Variants in RASGRF1 observed in about 807,000 individuals in gnomAD.
RASGRF1 encodes ras-specific guanine nucleotide-releasing factor 1.
Under a neutral mutation model 138.7 loss-of-function variants are expected in RASGRF1, and 40 were observed. The observed-to-expected ratio is 0.29, with a 90% confidence interval of 0.22 to 0.38. The LOEUF (loss-of-function observed/expected upper bound fraction) is 0.38. Among genes scored for constraint, RASGRF1 ranks in the 10% least tolerant of loss-of-function variants. The pLI is 1.00. For synonymous variants in RASGRF1, 614 were observed against 663.2 expected (o/e 0.93, Z 1.14); for missense variants, 1,108 against 1,650.4 (o/e 0.67, Z 5.69).
At chr15:79,088,309 C>T (rs966108794) in intron 1 of RASGRF1, among the ~76,000 whole-genome samples, 4 of 152,158 alleles carry the variant, frequency 2.6e-5, no homozygotes, top group Admixed American at 2.0e-4. Flanking sequence ...AATTCAGATT[C>T]AACTGTGATT....
rs773497136 is a variant in RASGRF1 at position 78,998,083 on chromosome 15, G to T, written c.2966+13C>A. On this transcript the variant is annotated intron_variant, in intron 19 of 26. Coordinates refer to ENST00000558480, the MANE Select transcript of RASGRF1 (RefSeq NM_001145648.3). ...CAGGCAGTTCTGAGCCAGGAACCAG[G>T]TACTGCCTTTACCTGATGATGTTGG... 8.1e-6 allele frequency: 13 copies of T among 1,605,718 alleles called. No individual in the cohort carries two copies. Among genetic ancestry groups the T allele is most frequent in the Middle Eastern group, 1.7e-4 (1 of 6,040 alleles).
At chr15:79,031,637 GGAGGGAGGGAGGGAGA>G in intron 7 of RASGRF1, 128 bp from the exon 8 acceptor site, 1 of 390,954 alleles carries the variant, frequency 2.6e-6, no homozygotes, top group African/African-American at 2.1e-5. Context: ...GGAGAGGAAG[GGAGGGAGGGAGGGAGA>G]GAGGGAGGGA....
In RASGRF1 at chr15:79,027,929, GCT is replaced by G. The variant is rs2140993560; in HGVS notation, c.1263-72_1263-71del. 6.7e-7 allele frequency: 1 copy of G among 1,486,320 alleles called. No individual in the cohort carries two copies. The highest frequency in any genetic ancestry group is 2.3e-5 in the East Asian group (1 of 44,240). The allele number at this position is 1,486,320 out of a possible 1,614,324, so 92.1% of individuals were successfully genotyped here. ...CTTCCCAGGGAGGCGAGAATGCCAG[GCT>G]TCTGGCCAGACCTAGGAAGAAAGCC... On this transcript the variant is annotated intron_variant, in intron 8 of 26. Coordinates refer to ENST00000558480, the MANE Select transcript of RASGRF1 (RefSeq NM_001145648.3). This position sits in a 1 kb window ranked among gnomAD's most constrained non-coding sequence, Gnocchi z 4.8.
At chr15:78,966,308 C>T (rs1460520673) in intron 26 of RASGRF1, among the ~76,000 whole-genome samples, 3 of 148,116 alleles carry the variant, frequency 2.0e-5, no homozygotes, top group African/African-American at 7.5e-5. Context: ...ACGATCATGG[C>T]TCACTGTAGC....
intron 26 of RASGRF1, among the ~76,000 whole-genome samples, chr15:78,966,027 T>C (rs1444871133): frequency 6.6e-6 from 1 of 152,012 alleles, no homozygotes; most frequent in Non-Finnish European, 1.5e-5. Context: ...GCCCCAGAGA[T>C]GCTGAGCAGG....
intron 15 of RASGRF1, among the ~76,000 whole-genome samples, chr15:79,002,164 G>A (rs1209640799): frequency 3.3e-5 from 5 of 150,978 alleles, no homozygotes; most frequent in African/African-American, 1.2e-4. Flanking sequence ...TGAGTTACAC[G>A]ATCTCTCTTT....
chr15:78,986,726 A>G (rs1011712489), intron 22 of RASGRF1, among the ~76,000 whole-genome samples: 2 of 152,228 alleles, frequency 1.3e-5, no homozygotes, highest in South Asian at 2.1e-4. Flanking sequence ...AAGGACATTT[A>G]CAGATGAATT....
At chr15:78,981,856 C>T (rs2056040142) in intron 23 of RASGRF1, among the ~76,000 whole-genome samples, 1 of 152,234 alleles carries the variant, frequency 6.6e-6, no homozygotes, top group East Asian at 1.9e-4. Flanking sequence ...CTTGAGATGT[C>T]TGCTGTCCGA....
intron 23 of RASGRF1, chr15:78,984,736 G>C (rs955756322): frequency 4.2e-6 from 2 of 476,428 alleles, no homozygotes; most frequent in East Asian, 4.0e-5. Context: ...GAAGAAAAAT[G>C]TTGGGACCAA....
intron 21 of RASGRF1, 71 bp from the exon 22 acceptor site, chr15:78,990,344 TTTTA>T (rs1429569928): frequency 5.0e-5 from 54 of 1,080,856 alleles, no homozygotes; most frequent in Non-Finnish European, 6.3e-5. Flanking sequence ...GCTCCATGCT[TTTTA>T]TTTTATTTTT....
chr15:79,053,809 C>T (rs2057468437), intron 3 of RASGRF1, among the ~76,000 whole-genome samples: 1 of 152,204 alleles, frequency 6.6e-6, no homozygotes, highest in Non-Finnish European at 1.5e-5. Context: ...CCCAGGCTTA[C>T]AAGGGCCCAA....
chr15:79,043,581 G>A (rs1327789537), intron 5 of RASGRF1, among the ~76,000 whole-genome samples: 1 of 152,182 alleles, frequency 6.6e-6, no homozygotes, highest in Non-Finnish European at 1.5e-5. Flanking sequence ...CCAGGCTGCT[G>A]CTATTTTTTC....
In RASGRF1 at chr15:79,090,551, G is replaced by C; in HGVS notation, c.-53C>G. ...GCGCTTACATCTTCTCCGCGCAGCA[G>C]CCCCCCGTCCGTGCGCGCTGCGCGC... On this transcript the variant is annotated 5_prime_UTR_variant, in exon 1 of 27. Coordinates refer to ENST00000558480, the MANE Select transcript of RASGRF1 (RefSeq NM_001145648.3). The C allele has an allele frequency of 6.3e-7, 1 of 1,582,306 alleles. No individual in the cohort carries two copies.
intron 13 of RASGRF1, among the ~76,000 whole-genome samples, chr15:79,011,800 C>G (rs1373373262): frequency 6.6e-6 from 1 of 152,218 alleles, no homozygotes; most frequent in African/African-American, 2.4e-5. Flanking sequence ...TGCACACACA[C>G]TAGCCTAACC....
At chr15:78,972,181 T>C (rs1277788133) in intron 25 of RASGRF1, among the ~76,000 whole-genome samples, 1 of 152,134 alleles carries the variant, frequency 6.6e-6, no homozygotes, top group Non-Finnish European at 1.5e-5. Flanking sequence ...GTGCAACCTC[T>C]GTCTCCTGGG....
At chr15:79,026,336 T>C (rs796952568) in intron 9 of RASGRF1, among the ~76,000 whole-genome samples, 9 of 152,376 alleles carry the variant, frequency 5.9e-5, no homozygotes, top group African/African-American at 2.2e-4. Context: ...TCCTTCACTC[T>C]GTCTTCCCTG....
intron 22 of RASGRF1, among the ~76,000 whole-genome samples, chr15:78,988,782 G>A (rs1345243458): frequency 2.0e-5 from 3 of 151,996 alleles, no homozygotes; most frequent in African/African-American, 7.2e-5. Context: ...GAGTGGACCC[G>A]GCTCTGTGGT....
chr15:78,987,209 T>C (rs1484141646), intron 22 of RASGRF1, among the ~76,000 whole-genome samples: 1 of 152,188 alleles, frequency 6.6e-6, no homozygotes, highest in East Asian at 1.9e-4. Flanking sequence ...TGTCATTTAC[T>C]ATATCAACAG....
At chr15:79,009,495 C>T (rs1013202637) in intron 13 of RASGRF1, among the ~76,000 whole-genome samples, 3 of 152,084 alleles carry the variant, frequency 2.0e-5, no homozygotes, top group Admixed American at 6.5e-5. Flanking sequence ...TCCCATGTCA[C>T]GGATCCCAAA....
Sources: gnomAD v4.1 joint callset for allele counts (sites outside exome capture counted in the v4.1 genomes callset) on GRCh38, gnomAD v4.1.1 for gene constraint, Gnocchi (gnomAD v3.1) non-coding constraint, MANE v1.5 for transcripts, NCBI Gene and HGNC (gene_info 2026-07-23, HGNC 2026-07-21) for gene names.